Variants in PXDN observed in about 807,000 individuals in gnomAD.
The protein encoded by PXDN is peroxidasin homolog.
PXDN carries 77 observed loss-of-function variants against 140.3 expected under a neutral mutation model. The observed-to-expected ratio is 0.55, with a 90% CI of 0.46 to 0.66. The LOEUF (loss-of-function observed/expected upper bound fraction) is 0.66, where lower values mean the gene tolerates loss of function less well. Among genes scored for constraint, PXDN ranks in the 30% least tolerant of loss-of-function variants. The probability of loss-of-function intolerance (pLI) is 0.00; values close to 1 mark genes in which losing one functional copy is unlikely to be tolerated. For missense variants in PXDN, 1,838 were observed against 2,039.5 expected (o/e 0.90, Z 1.90); for synonymous variants, 911 against 857.4 (o/e 1.06, Z -1.09).
chr2:1,649,652 A>G lies in PXDN; in HGVS notation c.2128T>C (p.Ser710Pro), dbSNP rs1682967735. 6.2e-7 allele frequency: 1 copy of G among 1,613,792 alleles called. No individual in the cohort carries two copies. Among genetic ancestry groups the G allele is most frequent in the Non-Finnish European group, 8.5e-7 (1 of 1,179,890 alleles). ...GCGATGAGGTTCAGGTACTGTGGAG[A>G]CACCAGGTCGTTGTAGTGGTAACCT... ...GTSYHYNDLV[S>P]PQYLNLIANL... The change falls in exon 17 of 23, where the codon TCT (serine) becomes CCT (proline). Residue 710 changes from serine to proline, a missense_variant. Around this residue, in one of 5 missense-constraint regions of PXDN, gnomAD observed 537 missense variants for 583.9 expected, o/e 0.92. Transcript: ENST00000252804. The surrounding 1 kb of genome is among the most constrained non-coding windows in gnomAD (Gnocchi z 7.1).
chr2:1,744,597 G>C (rs1245449075), upstream of PXDN: 3 of 701,638 alleles, frequency 4.3e-6, no homozygotes, highest in South Asian at 1.4e-4. Context: ...GGCTCCTCCC[G>C]GCCCCTCTGA....
chr2:1,713,608 C>T (rs1684831610), intron 1 of PXDN, among the ~76,000 whole-genome samples: 1 of 152,206 alleles, frequency 6.6e-6, no homozygotes, highest in South Asian at 2.1e-4. Context: ...CCCAGGGTGG[C>T]CGCATAGGGG....
In PXDN at chr2:1,714,098, A is replaced by G. The variant is rs1412928381; in HGVS notation, c.201-20964T>C. On this transcript the variant is annotated intron_variant, in intron 1 of 22. Coordinates refer to ENST00000252804, the MANE Select transcript of PXDN (RefSeq NM_012293.3). The surrounding 1 kb of genome is among the most constrained non-coding windows in gnomAD (Gnocchi z 4.3). ...GCCTTCGGATAAACAGCTTCAAGAA[A>G]GCGCATCCGTCACCTTTGGTGACTT... Among the ~76,000 whole-genome samples, 2 of 152,200 alleles carry G rather than the reference A, an allele frequency of 1.3e-5. No homozygotes were observed. Among genetic ancestry groups the G allele is most frequent in the East Asian group, 3.9e-4 (2 of 5,180 alleles).
intron 1 of PXDN, among the ~76,000 whole-genome samples, chr2:1,729,865 A>G (rs1007412081): frequency 1.3e-5 from 2 of 152,244 alleles, no homozygotes; most frequent in African/African-American, 4.8e-5. Flanking sequence ...TCTGTTAGGC[A>G]GATTTGGTCA....
intron 1 of PXDN, among the ~76,000 whole-genome samples, chr2:1,709,720 G>C (rs764878077): frequency 6.6e-6 from 1 of 152,182 alleles, no homozygotes; most frequent in Non-Finnish European, 1.5e-5. Flanking sequence ...TGGAGGCCAC[G>C]CACTTTAGAT....
rs374997059 is a variant in PXDN at position 1,660,850 on chromosome 2, T to G, written c.1837+31A>C. The G allele has an allele frequency of 5.0e-6, 8 of 1,592,778 alleles. No homozygotes were observed. The African/African-American group carries it at 9.4e-5, about 19-fold the overall frequency. ...CTGCGGGCTTTCTTTGTGGATACCATGTGGGTAGATGTGGGCATGTGGCAT... is the reference window on the plus strand; with the variant it reads ...CTGCGGGCTTTCTTTGTGGATACCAGGTGGGTAGATGTGGGCATGTGGCAT... On this transcript the variant is annotated intron_variant, in intron 14 of 22. Coordinates refer to ENST00000252804, the MANE Select transcript of PXDN (RefSeq NM_012293.3). This position sits in a 1 kb window ranked among gnomAD's most constrained non-coding sequence, Gnocchi z 4.6.
chr2:1,721,574 C>T (rs1041952328), intron 1 of PXDN, among the ~76,000 whole-genome samples: 8 of 152,204 alleles, frequency 5.3e-5, no homozygotes, highest in Non-Finnish European at 8.8e-5. Flanking sequence ...CGGTGGCTCA[C>T]GCCTGTAATC....
Position 1,649,361 on chromosome 2 carries a change from T to G in PXDN, c.2419A>C (p.Thr807Pro). The change falls in exon 17 of 23, where the codon ACC becomes CCC. Residue 807 changes from threonine to proline, a missense_variant. Physicochemically the swap from Thr to Pro is conservative, Grantham distance 38. Transcript: ENST00000252804. The surrounding 1 kb of genome is among the most constrained non-coding windows in gnomAD (Gnocchi z 7.1). ...GTGAACTGCTCGTCGGGTGTGACGG[T>G]CTCCGTCCCGATCAGGGTGGTGGAC... ...LVSTTLIGTE[T>P]VTPDEQFTHM... 7 of 1,613,858 alleles carry G rather than the reference T, an allele frequency of 4.3e-6. No homozygotes were observed. The highest frequency in any genetic ancestry group is 5.9e-6 in the Non-Finnish European group (7 of 1,179,868).
Position 1,639,299 on chromosome 2 carries a change from T to A in PXDN, c.4073+3A>T. 1 of 1,611,804 alleles carries A rather than the reference T, an allele frequency of 6.2e-7. No individual in the cohort carries two copies. On this transcript the variant is annotated splice_donor_region_variant and intron_variant, in intron 20 of 22. Transcript: ENST00000252804. The surrounding 1 kb of genome is among the most constrained non-coding windows in gnomAD (Gnocchi z 5.0). ...CATCATTTGACCTCAGAGACCACCATACCTGGGTATTTTCCGTGGTCTTGT... is the reference window on the plus strand; with the variant it reads ...CATCATTTGACCTCAGAGACCACCAAACCTGGGTATTTTCCGTGGTCTTGT...
At chr2:1,681,999 C>T (rs890056529) in intron 6 of PXDN, among the ~76,000 whole-genome samples, 9 of 152,206 alleles carry the variant, frequency 5.9e-5, no homozygotes, top group Admixed American at 1.3e-4. Context: ...GAGACTGCTC[C>T]GAGCAGACAG....
intron 1 of PXDN, among the ~76,000 whole-genome samples, chr2:1,708,064 A>G (rs1466726927): frequency 6.6e-6 from 1 of 152,080 alleles, no homozygotes; most frequent in African/African-American, 2.4e-5. Context: ...AAGCTGCAGG[A>G]TGAATGGGAC....
At position 1,650,789 on chromosome 2, in the gene PXDN, C is replaced by T. The variant is rs145951846; in HGVS notation, c.2105-1114G>A. On this transcript the variant is annotated intron_variant, in intron 16 of 22. Coordinates refer to ENST00000252804, the MANE Select transcript of PXDN (RefSeq NM_012293.3). Reference sequence around the variant, plus strand: ...AGCCACACTCACACTTTCACGTGTGCACATACTCACAGAGTTCCAAGCCAT... The same window carrying T: ...AGCCACACTCACACTTTCACGTGTGTACATACTCACAGAGTTCCAAGCCAT... 7.2e-5 allele frequency among the ~76,000 whole-genome samples: 11 copies of T among 152,240 alleles called. No individual in the cohort carries two copies. The East Asian group carries it at 1.7e-3, about 24-fold the overall frequency.
intron 1 of PXDN, among the ~76,000 whole-genome samples, chr2:1,742,527 C>A (rs866738709): frequency 4.6e-5 from 7 of 152,270 alleles, no homozygotes; most frequent in Middle Eastern, 3.4e-3. Context: ...GTGTGTCCTA[C>A]GACACTTATT....
rs765837637 is a variant in PXDN, at chr2:1,648,840, C to T, written c.2940G>A (p.Glu980=). ...TGTGCATGCTGGTCAGGCCCAGCTG[C>T]TCGTTGGCGCGGTGGTCCCCGGCCA... The part of the protein sequence containing the change: ...CFLAGDHRAN[E]QLGLTSMHTL... The change falls in exon 17 of 23, where the codon GAG becomes GAA. Residue 980 remains glutamate (E), a synonymous_variant. Coordinates refer to ENST00000252804, the MANE Select transcript of PXDN (RefSeq NM_012293.3). This position sits in a 1 kb window ranked among gnomAD's most constrained non-coding sequence, Gnocchi z 8.9. The T allele has an allele frequency of 6.2e-7, 1 of 1,601,072 alleles. No homozygotes were observed. The highest frequency in any genetic ancestry group is 8.5e-7 in the Non-Finnish European group (1 of 1,176,408).
Position 1,666,341 on chromosome 2 carries a change from C to T in PXDN, c.1164G>A (p.Arg388=), listed in dbSNP as rs2125428286. The T allele has an allele frequency of 6.2e-7, 1 of 1,614,042 alleles. No individual in the cohort carries two copies. The highest frequency in any genetic ancestry group is 1.6e-4 in the Middle Eastern group (1 of 6,062). The part of the protein sequence containing the change: ...GDRTPLPVDP[R]VNITPSGGLY... Reference sequence around the variant, plus strand: ...GCCCGCCAGAAGGCGTGATGTTCACCCGCGGGTCAACTGGCAAGGGTGTGC... The same window carrying T: ...GCCCGCCAGAAGGCGTGATGTTCACTCGCGGGTCAACTGGCAAGGGTGTGC... The change falls in exon 10 of 23, where the codon CGG becomes CGA. Residue 388 remains arginine (R), a synonymous_variant. Transcript: ENST00000252804.
intron 1 of PXDN, among the ~76,000 whole-genome samples, chr2:1,697,620 G>T (rs201075022): frequency 1.5e-5 from 2 of 135,030 alleles, no homozygotes; most frequent in Non-Finnish European, 3.3e-5. Flanking sequence ...AACGGGGGGG[G>T]AAAAACTTCC....
intron 1 of PXDN, among the ~76,000 whole-genome samples, chr2:1,727,144 A>T (rs1685205872): frequency 6.6e-6 from 1 of 152,208 alleles, no homozygotes; most frequent in South Asian, 2.1e-4. Context: ...AACTAAAGTC[A>T]GCATATCAAG....
Position 1,643,458 on chromosome 2 carries a change from C to T in PXDN, c.3862G>A (p.Val1288Met), listed in dbSNP as rs183629867. 378 of 1,613,986 alleles carry T rather than the reference C, an allele frequency of 2.3e-4. No individual in the cohort carries two copies. The highest frequency in any genetic ancestry group is 8.2e-4 in the Middle Eastern group (5 of 6,062). The change falls in exon 19 of 23, where the codon GTG (valine) becomes ATG (methionine). Residue 1288 changes from valine to methionine, a missense_variant. By Grantham distance (21) the Val-to-Met change is conservative. This residue lies in a region of PXDN where 850 missense variants were observed against 894.1 expected (regional missense o/e 0.95). Coordinates refer to ENST00000252804, the MANE Select transcript of PXDN (RefSeq NM_012293.3). ...ADNITRVQSD[V>M]FRVAEFPHGY... is the part of the protein sequence containing the mutation. ...TGAGGGAACTCCGCCACCCTGAACA[C>T]GTCGCTCTGCACCCGGGTGATGTTG...
chr2:1,744,864 CT>C (rs1210141801), upstream of PXDN: 1 of 164,520 alleles, frequency 6.1e-6, no homozygotes, highest in African/African-American at 2.4e-5. Flanking sequence ...GTTTGTAACA[CT>C]TTTAGAGCGC....
Sources: gnomAD v4.1 joint callset for allele counts (sites outside exome capture counted in the v4.1 genomes callset) on GRCh38, gnomAD v4.1.1 for gene constraint, gnomAD v4.1.1 regional missense constraint, Gnocchi (gnomAD v3.1) non-coding constraint, MANE v1.5 for transcripts, NCBI Gene and HGNC (gene_info 2026-07-23, HGNC 2026-07-21) for gene names.